The following HOXA6 variants were observed in gnomAD, a reference collection of about 807,000 sequenced individuals.
HOXA6 encodes the protein homeobox A6.
A neutral mutation model predicts 23.2 loss-of-function variants in HOXA6; 19 were observed. The ratio of observed to expected loss-of-function variants is 0.82; its 90% confidence interval spans 0.57 to 1.20. HOXA6 has a LOEUF of 1.20. Among genes scored for constraint, HOXA6 ranks in the 50% most tolerant of loss-of-function variants. The probability of loss-of-function intolerance (pLI) is 0.00; values close to 1 mark genes in which losing one functional copy is unlikely to be tolerated. For synonymous variants in HOXA6, 140 were observed against 132.6 expected (o/e 1.06, Z -0.38); for missense variants, 346 against 313.6 (o/e 1.10, Z -0.78).
chr7:27,146,095 G>T (rs1343241163), intron 1 of HOXA6, among the ~76,000 whole-genome samples, 178 bp from the exon 2 acceptor site: 2 of 152,246 alleles, frequency 1.3e-5, no homozygotes, highest in African/African-American at 4.8e-5. Context: ...TACCAAGCGA[G>T]ATGTTTTCCA....
rs1225676132 is a variant in HOXA6, at chr7:27,147,370, C to G, written c.380G>C (p.Gly127Ala). 6.2e-7 allele frequency: 1 copy of G among 1,614,216 alleles called. No homozygotes were observed. Among genetic ancestry groups the G allele is most frequent in the Admixed American group, 1.7e-5 (1 of 60,032 alleles). Residue 127 changes from glycine (G) to alanine (A), a missense_variant, in exon 1 of 2, where the codon GGC becomes GCC. Physicochemically the swap from Gly to Ala is moderately conservative, Grantham distance 60 (BLOSUM62 0). Coordinates refer to ENST00000222728, the MANE Select transcript of HOXA6 (RefSeq NM_024014.4). Reference sequence around the variant, plus strand: ...CGGGCTCGTGTACTTCCGGTCGGCGCCTTCGTCATGGAGTGCTTTGCCCTG... The same window carrying G: ...CGGGCTCGTGTACTTCCGGTCGGCGGCTTCGTCATGGAGTGCTTTGCCCTG... ...SGQGKALHDE[G>A]ADRKYTSPVY...
In HOXA6 at chr7:27,147,753, C is replaced by A; in HGVS notation, c.-4G>T. On this transcript the variant is annotated 5_prime_UTR_variant, in exon 1 of 2. Transcript: ENST00000222728. ...GATTCACAAAATAGGAACTCATTTG[C>A]GCGCCCCTCTGCAGGACTGTGATTT... 1.9e-6 allele frequency: 3 copies of A among 1,602,146 alleles called. No homozygotes were observed. The South Asian group carries it at 3.3e-5, about 18-fold the overall frequency.
rs780420557 is a variant in HOXA6 at position 27,147,763 on chromosome 7, T to C, written c.-14A>G. The C allele has an allele frequency of 2.9e-5, 47 of 1,595,726 alleles. No individual in the cohort carries two copies. The highest frequency in any genetic ancestry group is 1.7e-4 in the Middle Eastern group (1 of 6,038). On this transcript the variant is annotated 5_prime_UTR_variant, in exon 1 of 2. Transcript: ENST00000222728. ...ATAGGAACTCATTTGCGCGCCCCTC[T>C]GCAGGACTGTGATTTGTTGTGTATT...
intron 1 of HOXA6, among the ~76,000 whole-genome samples, chr7:27,146,685 G>A (rs1583412064): frequency 1.3e-5 from 2 of 152,134 alleles, no homozygotes; most frequent in East Asian, 3.9e-4. Flanking sequence ...GGTGGTGGGG[G>A]GTCCCTCCAA....
chr7:27,147,351 C>A lies in HOXA6; in HGVS notation c.399G>T (p.Thr133=), dbSNP rs764874830. Residue 133 remains threonine (T), a synonymous_variant, in exon 1 of 2, where the codon ACG becomes ACT. Transcript: ENST00000222728. ...GCTGCATCCAAGGGTAAACCGGGCT[C>A]GTGTACTTCCGGTCGGCGCCTTCGT... ...LHDEGADRKY[T]SPVYPWMQRM... The A allele has an allele frequency of 1.2e-6, 2 of 1,614,170 alleles. No individual in the cohort carries two copies. The highest frequency in any genetic ancestry group is 3.3e-5 in the Admixed American group (2 of 60,032).
chr7:27,147,610 A>T lies in HOXA6; in HGVS notation c.140T>A (p.Leu47His), dbSNP rs1782821130. 1 of 1,614,062 alleles carries T rather than the reference A, an allele frequency of 6.2e-7. No individual in the cohort carries two copies. Among genetic ancestry groups the T allele is most frequent in the African/African-American group, 1.3e-5 (1 of 74,918 alleles). The change falls in exon 1 of 2, where the codon CTC becomes CAC. Residue 47 changes from leucine to histidine, a missense_variant. Leu to His is a moderately conservative substitution (Grantham distance 99, BLOSUM62 -3). Transcript: ENST00000222728. ...AGGTGAGGTGTACGTCTTGTCCGGGAGACTCGACGCCCCGTACGAGGCCGG... is the reference window on the plus strand; with the variant it reads ...AGGTGAGGTGTACGTCTTGTCCGGGTGACTCGACGCCCCGTACGAGGCCGG... ...PFPASYGASS[L>H]PDKTYTSPCF...
rs539083745 is a variant in HOXA6, at chr7:27,147,526, C to A, written c.224G>T (p.Gly75Val). The part of the protein sequence containing the change: ...LACNRASYEY[G>V]ASCFYSDKDL... ...CTTATCAGAATAGAAACACGAGGCC[C>A]CGTACTCGTAGGACGCCCGGTTGCA... The change falls in exon 1 of 2, where the codon GGG (glycine) becomes GTG (valine). Residue 75 changes from glycine to valine, a missense_variant. Transcript: ENST00000222728. 3 of 1,614,168 alleles carry A rather than the reference C, an allele frequency of 1.9e-6. No homozygotes were observed. Among genetic ancestry groups the A allele is most frequent in the Non-Finnish European group, 2.5e-6 (3 of 1,180,022 alleles).
Position 27,147,386 on chromosome 7 carries a change from C to T in HOXA6, c.364G>A (p.Ala122Thr). 6.2e-7 allele frequency: 1 copy of T among 1,614,212 alleles called. No homozygotes were observed. Reference sequence around the variant, plus strand: ...CGGTCGGCGCCTTCGTCATGGAGTGCTTTGCCCTGCCCGCTGCTGCTGTCG... The same window carrying T: ...CGGTCGGCGCCTTCGTCATGGAGTGTTTTGCCCTGCCCGCTGCTGCTGTCG... ...KPDSSSGQGKALHDEGADRKY... is the reference protein window; with the variant it reads ...KPDSSSGQGKTLHDEGADRKY... The change falls in exon 1 of 2, where the codon GCA becomes ACA. Residue 122 changes from alanine (A) to threonine (T), a missense_variant. By Grantham distance (58) the Ala-to-Thr change is moderately conservative. Coordinates refer to ENST00000222728, the MANE Select transcript of HOXA6 (RefSeq NM_024014.4).
rs759075808 is a variant in HOXA6 at position 27,147,420 on chromosome 7, C to T, written c.330G>A (p.Gln110=). Residue 110 remains glutamine (Q), a synonymous_variant, in exon 1 of 2, where the codon CAG becomes CAA. Transcript: ENST00000222728. ...GDYLHFSPEQ[Q]YKPDSSSGQG... ...GCCCGCTGCTGCTGTCGGGTTTGTA[C>T]TGCTGCTCGGGAGAAAAGTGCAGGT... The T allele has an allele frequency of 5.6e-6, 9 of 1,614,220 alleles. No individual in the cohort carries two copies. In the South Asian group the frequency reaches 8.8e-5, roughly 16 times the overall value.
chr7:27,147,245 CTTCT>C (rs1782799130), intron 1 of HOXA6, 59 bp downstream of exon 1: 18 of 1,439,176 alleles, frequency 1.3e-5, no homozygotes, highest in Admixed American at 1.9e-5. Context: ...CTGTTTCCTC[CTTCT>C]TTCTTTCTTT....
chr7:27,147,292 T>C lies in HOXA6; in HGVS notation c.442+16A>G, dbSNP rs200192717. 6.2e-7 allele frequency: 1 copy of C among 1,608,828 alleles called. No homozygotes were observed. The highest frequency in any genetic ancestry group is 1.7e-5 in the Admixed American group (1 of 59,934). On this transcript the variant is annotated intron_variant, in intron 1 of 1. Transcript: ENST00000222728. ...TCCTTTCCCCTCTCCCTCCACTGTC[T>C]TGGGATATGTCTTACCCGCGCAGGA... is the stretch of plus-strand genomic sequence containing the variant.
chr7:27,147,616 G>C lies in HOXA6; in HGVS notation c.134C>G (p.Ser45Trp). The stretch of plus-strand genomic sequence containing the variant: ...GGTGTACGTCTTGTCCGGGAGACTC[G>C]ACGCCCCGTACGAGGCCGGGAAGGG... ...LRPFPASYGA[S>W]SLPDKTYTSP... The change falls in exon 1 of 2, where the codon TCG becomes TGG. Residue 45 changes from serine to tryptophan, a missense_variant. Physicochemically the swap from Ser to Trp is radical, Grantham distance 177. Coordinates refer to ENST00000222728, the MANE Select transcript of HOXA6 (RefSeq NM_024014.4). The C allele has an allele frequency of 6.2e-7, 1 of 1,614,216 alleles. No homozygotes were observed. Among genetic ancestry groups the C allele is most frequent in the Non-Finnish European group, 8.5e-7 (1 of 1,180,048 alleles).
At position 27,147,242 on chromosome 7, in the gene HOXA6, C is replaced by G. The variant is rs554362055; in HGVS notation, c.442+66G>C. 1.6e-4 allele frequency: 230 copies of G among 1,411,002 alleles called. No homozygotes were observed. The African/African-American group carries it at 3.0e-3, about 18-fold the overall frequency. The allele number at this position is 1,411,002 out of a possible 1,614,324, so 87.4% of individuals were successfully genotyped here. A position where few individuals can be genotyped will look rare whatever the true frequency, so the allele number is the denominator to read the frequency against. On this transcript the variant is annotated intron_variant, in intron 1 of 1. Transcript: ENST00000222728. ...TCTATTCCTCTTTCTACTCTGTTTC[C>G]TCCTTCTTTCTTTCTTTTCCTGCCT...
intron 1 of HOXA6, among the ~76,000 whole-genome samples, chr7:27,146,895 A>G (rs1250469733): frequency 6.6e-6 from 1 of 152,212 alleles, no homozygotes; most frequent in Non-Finnish European, 1.5e-5. Flanking sequence ...GAAGGGCAGA[A>G]AGGAGAGGGG....
At position 27,147,454 on chromosome 7, in the gene HOXA6, G is replaced by A; in HGVS notation, c.296C>T (p.Pro99Leu). 1 of 1,614,190 alleles carries A rather than the reference G, an allele frequency of 6.2e-7. No individual in the cohort carries two copies. The highest frequency in any genetic ancestry group is 8.5e-7 in the Non-Finnish European group (1 of 1,180,036). The change falls in exon 1 of 2, where the codon CCC becomes CTC. Residue 99 changes from proline to leucine, a missense_variant. Pro to Leu is a moderately conservative substitution (Grantham distance 98, BLOSUM62 -3). Transcript: ENST00000222728. ...GGGAGAAAAGTGCAGGTAGTCCCCGGGGCCCCTCTGCTTGCCACTGCCCGA... is the reference window on the plus strand; with the variant it reads ...GGGAGAAAAGTGCAGGTAGTCCCCGAGGCCCCTCTGCTTGCCACTGCCCGA... ...SPSGSGKQRG[P>L]GDYLHFSPEQ...
Position 27,147,351 on chromosome 7 carries a change from C to T in HOXA6, c.399G>A (p.Thr133=), listed in dbSNP as rs764874830. The T allele has an allele frequency of 6.2e-7, 1 of 1,614,170 alleles. No individual in the cohort carries two copies. Among genetic ancestry groups the T allele is most frequent in the African/African-American group, 1.3e-5 (1 of 75,042 alleles). ...GCTGCATCCAAGGGTAAACCGGGCT[C>T]GTGTACTTCCGGTCGGCGCCTTCGT... ...LHDEGADRKY[T]SPVYPWMQRM... Residue 133 remains threonine (T), a synonymous_variant, in exon 1 of 2, where the codon ACG becomes ACA. Coordinates refer to ENST00000222728, the MANE Select transcript of HOXA6 (RefSeq NM_024014.4).
rs774940325 is a variant in HOXA6 at position 27,145,652 on chromosome 7, A to G, written c.*6T>C. 8.1e-6 allele frequency: 13 copies of G among 1,611,964 alleles called. No homozygotes were observed. Among genetic ancestry groups the G allele is most frequent in the Non-Finnish European group, 1.1e-5 (13 of 1,178,742 alleles). On this transcript the variant is annotated 3_prime_UTR_variant, in exon 2 of 2. Coordinates refer to ENST00000222728, the MANE Select transcript of HOXA6 (RefSeq NM_024014.4). ...TGCAGCGCTGGCCTGGTCCCTGCCC[A>G]GGCATCTACTCGCCCGCCTTTGCCT... is the stretch of plus-strand genomic sequence containing the variant.
chr7:27,146,708 A>T (rs1481367801), intron 1 of HOXA6, among the ~76,000 whole-genome samples: 1 of 152,108 alleles, frequency 6.6e-6, no homozygotes, highest in Non-Finnish European at 1.5e-5. Flanking sequence ...CAGGTGTATG[A>T]AGCTCAGGCA....
rs751072208 is a variant in HOXA6 at position 27,145,816 on chromosome 7, G to A, written c.544C>T (p.Arg182Trp). The change falls in exon 2 of 2, where the codon CGG becomes TGG. Residue 182 changes from arginine (R) to tryptophan (W), a missense_variant. Coordinates refer to ENST00000222728, the MANE Select transcript of HOXA6 (RefSeq NM_024014.4). ...KEFHFNRYLT[R>W]RRRIEIANAL... The stretch of plus-strand genomic sequence containing the variant: ...TTGGCGATCTCGATGCGGCGGCGCC[G>A]TGTCAGGTAGCGGTTGAAGTGGAAC... The A allele has an allele frequency of 1.2e-6, 2 of 1,614,272 alleles. No homozygotes were observed. Among genetic ancestry groups the A allele is most frequent in the Non-Finnish European group, 1.7e-6 (2 of 1,180,054 alleles).
Sources: allele counts gnomAD v4.1 joint callset (sites outside exome capture counted in the v4.1 genomes callset), GRCh38; gene constraint gnomAD v4.1.1; transcripts MANE v1.5; gene names NCBI Gene and HGNC (gene_info 2026-07-23, HGNC 2026-07-21).